Variants in LRFN3 observed in about 807,000 individuals in gnomAD.
LRFN3 encodes leucine-rich repeat and fibronectin type-III domain-containing protein 3.
In LRFN3, 8 loss-of-function variants were observed where a neutral mutation model predicts 23.8. The ratio of observed to expected loss-of-function variants is 0.34; its 90% CI spans 0.20 to 0.61. LRFN3 has a LOEUF of 0.61. Ranked by LOEUF, LRFN3 falls within the 20% of genes least tolerant of loss-of-function variation. LRFN3 has a pLI of 0.80. For missense variants in LRFN3, 736 were observed against 935.3 expected (o/e 0.79, Z 2.78); for synonymous variants, 451 against 450.6 (o/e 1.00, Z -0.01).
At position 35,944,980 on chromosome 19, in the gene LRFN3, C is replaced by T. The variant is rs1164065558; in HGVS notation, c.1848C>T (p.Cys616=). 8 of 1,408,022 alleles carry T rather than the reference C, an allele frequency of 5.7e-6. No individual in the cohort carries two copies. The South Asian group carries it at 7.8e-5, about 14-fold the overall frequency. 87.2% of individuals were successfully genotyped at this position (1,408,022 alleles called of 1,614,324 possible). A position where few individuals can be genotyped will look rare whatever the true frequency, so the allele number is the denominator to read the frequency against. The change falls in exon 3 of 3, where the codon TGC becomes TGT. Residue 616 remains cysteine (C), a synonymous_variant. Coordinates refer to ENST00000246529, the MANE Select transcript of LRFN3 (RefSeq NM_024509.2). This position sits in a 1 kb window ranked among gnomAD's most constrained non-coding sequence, Gnocchi z 4.5. ...LRAHTVVQLD[C]EPWGPGHEPV... ...CCCACACCGTGGTCCAGCTGGACTG[C>T]GAGCCCTGGGGGCCCGGCCACGAAC...
chr19:35,946,523 C>T lies in LRFN3; in HGVS notation c.*1504C>T, dbSNP rs1394046120. Among the ~76,000 whole-genome samples the T allele has an allele frequency of 6.6e-6, 1 of 151,922 alleles. No homozygotes were observed. Among genetic ancestry groups the T allele is most frequent in the African/African-American group, 2.4e-5 (1 of 41,328 alleles). ...AAAGAAAAACCTAACCAAGACTAAA[C>T]AGGACCAGCAGGCAGAGGGACAGGG... is the stretch of plus-strand genomic sequence containing the variant. On this transcript the variant is annotated 3_prime_UTR_variant, in exon 3 of 3. Coordinates refer to ENST00000246529, the MANE Select transcript of LRFN3 (RefSeq NM_024509.2).
rs2050209463 is a variant in LRFN3 at position 35,945,334 on chromosome 19, C to T, written c.*315C>T. 1 of 290,168 alleles carries T rather than the reference C, an allele frequency of 3.4e-6. No homozygotes were observed. Among genetic ancestry groups the T allele is most frequent in the African/African-American group, 2.2e-5 (1 of 45,236 alleles). The allele number at this position is 290,168 out of a possible 1,614,324, so 18.0% of individuals were successfully genotyped here. A position where few individuals can be genotyped will look rare whatever the true frequency, so the allele number is the denominator to read the frequency against. On this transcript the variant is annotated 3_prime_UTR_variant, in exon 3 of 3. Transcript: ENST00000246529. ...CCCGGAGGAGGCTGAGGATGGCGAT[C>T]CATTCAGACAATAGATGTTCCCTGC... is the stretch of plus-strand genomic sequence containing the variant.
In LRFN3 at chr19:35,940,340, G is replaced by C. The variant is rs1389673350; in HGVS notation, c.915G>C (p.Leu305=). ...TGGTGACTCACCGCTCACCACCTCTGGCTGTGCCCGCAGGTCGGCCGGCTG... is the reference window on the plus strand; with the variant it reads ...TGGTGACTCACCGCTCACCACCTCTCGCTGTGCCCGCAGGTCGGCCGGCTG... The part of the protein sequence containing the change: ...PPVVTHRSPP[L]AVPAGRPAAL... Residue 305 remains leucine, a synonymous_variant, in exon 2 of 3, where the codon CTG becomes CTC. Transcript: ENST00000246529. 3 of 1,578,298 alleles carry C rather than the reference G, an allele frequency of 1.9e-6. No individual in the cohort carries two copies. The Admixed American group carries it at 5.1e-5, about 27-fold the overall frequency.
chr19:35,944,696 C>T lies in LRFN3; in HGVS notation c.1564C>T (p.Pro522Ser). ...GGGCTGCGCCCGCTTCTCCACCGAA[C>T]CTGCGCTGCGGCCATGCGGGGCGCC... ...PVGCARFSTE[P>S]ALRPCGAPHA... is the part of the protein sequence containing the mutation. The change falls in exon 3 of 3, where the codon CCT becomes TCT. Residue 522 changes from proline (P) to serine (S), a missense_variant. Around this residue, in one of 2 missense-constraint regions of LRFN3, gnomAD observed 290 missense variants for 287.4 expected, o/e 1.01. Coordinates refer to ENST00000246529, the MANE Select transcript of LRFN3 (RefSeq NM_024509.2). This position sits in a 1 kb window ranked among gnomAD's most constrained non-coding sequence, Gnocchi z 4.5. 2 of 1,604,152 alleles carry T rather than the reference C, an allele frequency of 1.2e-6. No homozygotes were observed. The highest frequency in any genetic ancestry group is 1.7e-6 in the Non-Finnish European group (2 of 1,176,766).
At position 35,944,916 on chromosome 19, in the gene LRFN3, C is replaced by A. The variant is rs1212625880; in HGVS notation, c.1784C>A (p.Thr595Lys). 1 of 1,530,008 alleles carries A rather than the reference C, an allele frequency of 6.5e-7. No homozygotes were observed. Among genetic ancestry groups the A allele is most frequent in the Admixed American group, 2.0e-5 (1 of 49,686 alleles). The allele number at this position is 1,530,008 out of a possible 1,614,324, so 94.8% of individuals were successfully genotyped here. A position where few individuals can be genotyped will look rare whatever the true frequency, so the allele number is the denominator to read the frequency against. The change falls in exon 3 of 3, where the codon ACG becomes AAG. Residue 595 changes from threonine to lysine, a missense_variant. Transcript: ENST00000246529. This position sits in a 1 kb window ranked among gnomAD's most constrained non-coding sequence, Gnocchi z 4.5. ...QTNGALGPTP[T>K]PAPPAPEPAA... ...AACGGCGCCCTGGGCCCCACGCCCA[C>A]GCCCGCCCCGCCCGCCCCGGAGCCC...
chr19:35,941,252 CAGAAGA>C (rs1224943554), intron 2 of LRFN3, among the ~76,000 whole-genome samples: 2 of 126,740 alleles, frequency 1.6e-5, no homozygotes, highest in Non-Finnish European at 3.3e-5. Flanking sequence ...GTAATCAGGG[CAGAAGA>C]ATAAAATGTT....
At position 35,936,418 on chromosome 19, in the gene LRFN3, G is replaced by T. The variant is rs554519841; in HGVS notation, c.-1154G>T. Among the ~76,000 whole-genome samples the T allele has an allele frequency of 6.6e-6, 1 of 151,292 alleles. No individual in the cohort carries two copies. The highest frequency in any genetic ancestry group is 1.5e-5 in the Non-Finnish European group (1 of 67,708). On this transcript the variant is annotated 5_prime_UTR_variant, in exon 1 of 3. Coordinates refer to ENST00000246529, the MANE Select transcript of LRFN3 (RefSeq NM_024509.2). ...GCCCTGGGTTGCCGGCGAGGAGGCC[G>T]CGGGAGCGCCTGGACCCGGCCCGCC...
rs1205307235 is a variant in LRFN3 at position 35,940,328 on chromosome 19, C to T, written c.903C>T (p.Arg301=). Reference sequence around the variant, plus strand: ...GCGAGCCGCCCGTGGTGACTCACCGCTCACCACCTCTGGCTGTGCCCGCAG... The same window carrying T: ...GCGAGCCGCCCGTGGTGACTCACCGTTCACCACCTCTGGCTGTGCCCGCAG... ...FVCEPPVVTH[R]SPPLAVPAGR... The change falls in exon 2 of 3, where the codon CGC becomes CGT. Residue 301 remains arginine, a synonymous_variant. Coordinates refer to ENST00000246529, the MANE Select transcript of LRFN3 (RefSeq NM_024509.2). The T allele has an allele frequency of 1.9e-6, 3 of 1,583,268 alleles. No individual in the cohort carries two copies. The highest frequency in any genetic ancestry group is 2.7e-5 in the African/African-American group (2 of 74,672).
Position 35,939,460 on chromosome 19 carries a change from C to T in LRFN3, c.35C>T (p.Pro12Leu), listed in dbSNP as rs773078781. 20 of 1,596,560 alleles carry T rather than the reference C, an allele frequency of 1.3e-5. No homozygotes were observed. Among genetic ancestry groups the T allele is most frequent in the East Asian group, 9.0e-5 (4 of 44,640 alleles). ...CTCCCGTTGCTCCTGTGCCTGCTGC[C>T]GCTGGCCCCTGCCTCATCCCCACCC... ...AILPLLLCLL[P>L]LAPASSPPQS... Residue 12 changes from proline (P) to leucine (L), a missense_variant, in exon 2 of 3, where the codon CCG becomes CTG. Pro to Leu is a moderately conservative substitution (Grantham distance 98). Around this residue, in one of 2 missense-constraint regions of LRFN3, gnomAD observed 446 missense variants for 647.9 expected, o/e 0.69. Coordinates refer to ENST00000246529, the MANE Select transcript of LRFN3 (RefSeq NM_024509.2). The surrounding 1 kb of genome is among the most constrained non-coding windows in gnomAD (Gnocchi z 6.4).
rs368719235 is a variant in LRFN3 at position 35,944,746 on chromosome 19, G to A, written c.1614G>A (p.Thr538=). 3 of 1,608,394 alleles carry A rather than the reference G, an allele frequency of 1.9e-6. No homozygotes were observed. Among genetic ancestry groups the A allele is most frequent in the Middle Eastern group, 1.7e-4 (1 of 6,040 alleles). ...GAPHAPFLGG[T]MIIALGGVIV... ...CGCACGCTCCCTTCCTGGGCGGCAC[G>A]ATGATCATCGCGCTGGGCGGCGTCA... Residue 538 remains threonine, a synonymous_variant, in exon 3 of 3, where the codon ACG becomes ACA. Transcript: ENST00000246529. This position sits in a 1 kb window ranked among gnomAD's most constrained non-coding sequence, Gnocchi z 4.5.
chr19:35,939,305 G>C lies in LRFN3; in HGVS notation c.-16-105G>C. On this transcript the variant is annotated intron_variant, in intron 1 of 2. Transcript: ENST00000246529. The surrounding 1 kb of genome is among the most constrained non-coding windows in gnomAD (Gnocchi z 6.4). Reference sequence around the variant, plus strand: ...GGTCACATCTGACGGTCTTTGACCAGCCCTTCTGCCCTCAGCCCACTGTGA... The same window carrying C: ...GGTCACATCTGACGGTCTTTGACCACCCCTTCTGCCCTCAGCCCACTGTGA... 1 of 1,227,762 alleles carries C rather than the reference G, an allele frequency of 8.1e-7. No homozygotes were observed. The allele number at this position is 1,227,762 out of a possible 1,614,324, so 76.1% of individuals were successfully genotyped here.
chr19:35,940,172 C>A lies in LRFN3; in HGVS notation c.747C>A (p.Asn249Lys). The change falls in exon 2 of 3, where the codon AAC (asparagine) becomes AAA (lysine). Residue 249 changes from asparagine (N) to lysine (K), a missense_variant. Physicochemically the swap from Asn to Lys is moderately conservative, Grantham distance 94. Transcript: ENST00000246529. ...ASALVLAFGGNPLHCNCELVW... is the reference protein window; with the variant it reads ...ASALVLAFGGKPLHCNCELVW... ...CCCTGGTGCTGGCCTTTGGCGGGAA[C>A]CCCCTGCACTGCAACTGCGAGCTGG... 1.2e-6 allele frequency: 2 copies of A among 1,610,348 alleles called. No individual in the cohort carries two copies. Among genetic ancestry groups the A allele is most frequent in the Non-Finnish European group, 8.5e-7 (1 of 1,179,616 alleles).
chr19:35,943,902 C>T (rs924223805), intron 2 of LRFN3, among the ~76,000 whole-genome samples: 7 of 152,142 alleles, frequency 4.6e-5, no homozygotes, highest in African/African-American at 4.8e-5. Context: ...AAAATGAAAC[C>T]GGCAAGGTGT....
rs1171195790 is a variant in LRFN3, at chr19:35,944,648, G to A, written c.1516G>A (p.Gly506Arg). 1 of 1,592,854 alleles carries A rather than the reference G, an allele frequency of 6.3e-7. No individual in the cohort carries two copies. The highest frequency in any genetic ancestry group is 8.5e-7 in the Non-Finnish European group (1 of 1,173,846). The change falls in exon 3 of 3, where the codon GGG becomes AGG. Residue 506 changes from glycine to arginine, a missense_variant. By Grantham distance (125) the Gly-to-Arg change is moderately radical. Coordinates refer to ENST00000246529, the MANE Select transcript of LRFN3 (RefSeq NM_024509.2). The surrounding 1 kb of genome is among the most constrained non-coding windows in gnomAD (Gnocchi z 4.5). ...VLAVYEDSAT[G>R]LTATRPVGCA... is the part of the protein sequence containing the mutation. Reference sequence around the variant, plus strand: ...CGCCGTGTATGAGGACAGCGCCACGGGGCTCACGGCCACGCGGCCTGTGGG... The same window carrying A: ...CGCCGTGTATGAGGACAGCGCCACGAGGCTCACGGCCACGCGGCCTGTGGG...
chr19:35,942,729 C>A (rs1599653756), intron 2 of LRFN3, among the ~76,000 whole-genome samples: 1 of 152,208 alleles, frequency 6.6e-6, no homozygotes, highest in East Asian at 1.9e-4. Context: ...AGTCCTGCCC[C>A]TGAAAATCAC....
chr19:35,937,089 C>T lies in LRFN3; in HGVS notation c.-483C>T, dbSNP rs1228702574. The T allele has an allele frequency of 1.3e-5, 2 of 152,076 alleles. No individual in the cohort carries two copies. The highest frequency in any genetic ancestry group is 3.9e-4 in the East Asian group (2 of 5,184). The allele number at this position is 152,076 out of a possible 1,614,324, so 9.4% of individuals were successfully genotyped here. A position where few individuals can be genotyped will look rare whatever the true frequency, so the allele number is the denominator to read the frequency against. On this transcript the variant is annotated 5_prime_UTR_variant, in exon 1 of 3. Coordinates refer to ENST00000246529, the MANE Select transcript of LRFN3 (RefSeq NM_024509.2). ...GGGGACCTGAACCCTGGGATTCAGG[C>T]CTCAAATTCCAAGATCTGGACTGTG...
rs781070537 is a variant in LRFN3, at chr19:35,940,119, G to A, written c.694G>A (p.Ala232Thr). The A allele has an allele frequency of 1.6e-5, 26 of 1,611,202 alleles. No individual in the cohort carries two copies. The highest frequency in any genetic ancestry group is 3.3e-4 in the Middle Eastern group (2 of 6,080). ...ACTCTTCTCCCGCCTGCCCCTGCTC[G>A]CCAGGCCCCGGGGCTCGCCCGCCTC... ...DPLFSRLPLL[A>T]RPRGSPASAL... Residue 232 changes from alanine to threonine, a missense_variant, in exon 2 of 3, where the codon GCC becomes ACC. This residue lies in a region of LRFN3 where 446 missense variants were observed against 647.9 expected (regional missense o/e 0.69). Coordinates refer to ENST00000246529, the MANE Select transcript of LRFN3 (RefSeq NM_024509.2).
chr19:35,940,715 C>T lies in LRFN3; in HGVS notation c.1290C>T (p.Gly430=), dbSNP rs373519864. ...VADTGPPTDR[G]VQVTEHGATA... is the part of the protein sequence containing the mutation. ...ACACTGGGCCCCCTACCGACCGTGGCGTCCAGGTGACTGAGCACGGGGCCA... is the reference window on the plus strand; with the variant it reads ...ACACTGGGCCCCCTACCGACCGTGGTGTCCAGGTGACTGAGCACGGGGCCA... Residue 430 remains glycine (G), a synonymous_variant, in exon 2 of 3, where the codon GGC becomes GGT. Transcript: ENST00000246529. 8.4e-5 allele frequency: 136 copies of T among 1,613,400 alleles called. No homozygotes were observed. Among genetic ancestry groups the T allele is most frequent in the Non-Finnish European group, 1.1e-4 (127 of 1,179,982 alleles).
rs747707573 is a variant in LRFN3 at position 35,940,745 on chromosome 19, T to G, written c.1320T>G (p.Ala440=). Residue 440 remains alanine, a synonymous_variant, in exon 2 of 3, where the codon GCT becomes GCG. Coordinates refer to ENST00000246529, the MANE Select transcript of LRFN3 (RefSeq NM_024509.2). ...GVQVTEHGAT[A]ALVQWPDQRP... The stretch of plus-strand genomic sequence containing the variant: ...AGGTGACTGAGCACGGGGCCACAGC[T>G]GCTCTTGTCCAGTGGCCGGATCAGC... The G allele has an allele frequency of 6.2e-7, 1 of 1,613,340 alleles. No homozygotes were observed. Among genetic ancestry groups the G allele is most frequent in the South Asian group, 1.1e-5 (1 of 91,052 alleles).
Sources: gnomAD v4.1 joint callset for allele counts (sites outside exome capture counted in the v4.1 genomes callset) on GRCh38, gnomAD v4.1.1 for gene constraint, gnomAD v4.1.1 regional missense constraint, Gnocchi (gnomAD v3.1) non-coding constraint, MANE v1.5 for transcripts, NCBI Gene and HGNC (gene_info 2026-07-23, HGNC 2026-07-21) for gene names.